The following ASTN2 variants were observed in gnomAD, a reference collection of about 807,000 sequenced individuals.
The protein encoded by ASTN2 is astrotactin 2, also known as astrotactin-2.
Under a neutral mutation model 139.8 loss-of-function variants are expected in ASTN2, and 54 were observed. The observed-to-expected ratio is 0.39, with a 90% CI of 0.31 to 0.48. The LOEUF is 0.48. Ranked by LOEUF, ASTN2 falls within the 20% of genes least tolerant of loss-of-function variation. The pLI is 0.95. For missense variants in ASTN2, 1,565 were observed against 1,725.1 expected (o/e 0.91, Z 1.64); for synonymous variants, 756 against 719.5 (o/e 1.05, Z -0.81).
At chr9:117,193,833 A>T (rs10481684) in intron 3 of ASTN2, among the ~76,000 whole-genome samples, 147,928 of 152,208 alleles carry the variant, frequency 0.97, 71,918 homozygotes, top group Non-Finnish European at 0.99. Context: ...CTCAAGGCAC[A>T]GTCAAATGGG....
At chr9:116,661,449 G>A (rs925524566) in intron 16 of ASTN2, among the ~76,000 whole-genome samples, 1 of 152,168 alleles carries the variant, frequency 6.6e-6, no homozygotes, top group Non-Finnish European at 1.5e-5. Context: ...GGCCTATTCA[G>A]TGCCAGGTTT....
chr9:117,153,911 T>C (rs1472324820), intron 3 of ASTN2, among the ~76,000 whole-genome samples: 1 of 152,004 alleles, frequency 6.6e-6, no homozygotes, highest in African/African-American at 2.4e-5. Flanking sequence ...CAATGAAGGG[T>C]ATAAAAATAT....
intron 1 of ASTN2, among the ~76,000 whole-genome samples, chr9:117,308,735 AG>A (rs751336003): frequency 2.6e-4 from 39 of 152,166 alleles, no homozygotes; most frequent in Non-Finnish European, 5.1e-4. Context: ...GGAGAGGGAG[AG>A]GACAGCTTTA....
chr9:116,510,632 G>A (rs1850333262), intron 19 of ASTN2, among the ~76,000 whole-genome samples: 1 of 152,204 alleles, frequency 6.6e-6, no homozygotes, highest in South Asian at 2.1e-4. Flanking sequence ...TCCTATCCAT[G>A]AGCATGGAAT....
chr9:116,600,323 CAAAAAAAAAAAAAA>C (rs35224783), intron 19 of ASTN2, among the ~76,000 whole-genome samples: 4 of 118,998 alleles, frequency 3.4e-5, no homozygotes, highest in South Asian at 2.5e-4. Context: ...GACCCTGTCT[CAAAAAAAAAAAAAA>C]AAAAAAAAAA....
chr9:117,235,268 A>C (rs1833012713), intron 2 of ASTN2, among the ~76,000 whole-genome samples: 1 of 152,010 alleles, frequency 6.6e-6, no homozygotes, highest in Admixed American at 6.6e-5. Context: ...GGGGAGGATA[A>C]AATTTTATTT....
chr9:116,933,145 T>C (rs1834956914), intron 10 of ASTN2, among the ~76,000 whole-genome samples: 1 of 152,062 alleles, frequency 6.6e-6, no homozygotes, highest in Admixed American at 6.6e-5. Context: ...ACTAATTTAA[T>C]CCTAAGAGTT....
chr9:116,816,890 G>A (rs1262204883), intron 12 of ASTN2, among the ~76,000 whole-genome samples: 3 of 50,716 alleles, frequency 5.9e-5, no homozygotes, highest in Non-Finnish European at 1.4e-4. Flanking sequence ...CTTGTAGGTA[G>A]AAATGAAAAT....
chr9:116,803,522 A>ATT (rs1158429877), intron 13 of ASTN2, among the ~76,000 whole-genome samples: 494 of 20,964 alleles, frequency 0.024, 21 homozygotes, highest in South Asian at 0.034. Context: ...ATATATATAT[A>ATT]TTTTTTTTTT....
intron 4 of ASTN2, among the ~76,000 whole-genome samples, chr9:117,127,766 C>T (rs1415763953): frequency 1.4e-5 from 2 of 146,300 alleles, no homozygotes; most frequent in East Asian, 4.2e-4. Flanking sequence ...CTGCAAGCTC[C>T]ACCTCCCGGG....
At chr9:117,208,003 A>G (rs1186191604) in intron 3 of ASTN2, among the ~76,000 whole-genome samples, 1 of 152,224 alleles carries the variant, frequency 6.6e-6, no homozygotes, top group Non-Finnish European at 1.5e-5. Context: ...AAGTTATACA[A>G]ATAAGTCTTT....
At chr9:116,896,511 G>A (rs181935205) in intron 10 of ASTN2, among the ~76,000 whole-genome samples, 1 of 152,108 alleles carries the variant, frequency 6.6e-6, no homozygotes, top group Non-Finnish European at 1.5e-5. Context: ...TAGAGACAGG[G>A]TTTCACCATG....
At chr9:117,013,879 A>C (rs1358613789) in intron 6 of ASTN2, among the ~76,000 whole-genome samples, 1 of 152,144 alleles carries the variant, frequency 6.6e-6, no homozygotes, top group Admixed American at 6.6e-5. Context: ...TCACATCATG[A>C]AATAGACCTC....
Position 116,501,855 on chromosome 9 carries a change from TA to T in ASTN2, c.3356-14356del, listed in dbSNP as rs1034675661. Among the ~76,000 whole-genome samples the T allele has an allele frequency of 4.4e-3, 626 of 141,180 alleles. 2 individuals carry two copies. The highest frequency in any genetic ancestry group is 0.019 in the East Asian group (91 of 4,828). 92.6% of individuals were successfully genotyped at this position (141,180 alleles called of 152,430 possible). ...TACCCTAAAACTTAAAGTATAATAA[TA>T]AAAAAAAAAAACAGCACCAGTGGGA... On this transcript the variant is annotated intron_variant, in intron 19 of 22. Coordinates refer to ENST00000313400, the MANE Select transcript of ASTN2 (RefSeq NM_001365068.1).
chr9:117,146,281 G>A (rs2132869289), intron 3 of ASTN2, among the ~76,000 whole-genome samples: 1 of 152,210 alleles, frequency 6.6e-6, no homozygotes, highest in East Asian at 1.9e-4. Flanking sequence ...AACAGATGCT[G>A]CTTGATCTGA....
intron 10 of ASTN2, among the ~76,000 whole-genome samples, chr9:116,952,910 T>C (rs111402698): frequency 0.048 from 7,329 of 152,238 alleles, 583 homozygotes; most frequent in African/African-American, 0.16. Flanking sequence ...TGTTGACATG[T>C]AGCCTAACAA....
At chr9:116,618,143 C>T (rs76759344) in intron 19 of ASTN2, among the ~76,000 whole-genome samples, 181 bp downstream of exon 19, 4,866 of 152,306 alleles carry the variant, frequency 0.032, 113 homozygotes, top group Non-Finnish European at 0.043. Context: ...AACTTGCTAT[C>T]TTTCCTTGAT....
chr9:117,043,606 G>A (rs1838643015), intron 5 of ASTN2, among the ~76,000 whole-genome samples: 1 of 151,992 alleles, frequency 6.6e-6, no homozygotes, highest in Admixed American at 6.6e-5. Context: ...GTAACCCACG[G>A]CCTTTAAGAG....
chr9:116,740,383 A>G (rs1309412365), intron 13 of ASTN2, among the ~76,000 whole-genome samples: 1 of 152,192 alleles, frequency 6.6e-6, no homozygotes, highest in Admixed American at 6.5e-5. Context: ...ATGGATACAA[A>G]TTCTAGCTGT....
Sources: gnomAD v4.1 joint callset for allele counts (sites outside exome capture counted in the v4.1 genomes callset) on GRCh38, gnomAD v4.1.1 for gene constraint, MANE v1.5 for transcripts, NCBI Gene and HGNC (gene_info 2026-07-23, HGNC 2026-07-21) for gene names.